PAX5: variants seen among roughly 807,000 people sequenced by gnomAD.
PAX5 encodes paired box protein Pax-5.
In PAX5, 9 loss-of-function variants were observed where a neutral mutation model predicts 43.7. The observed-to-expected ratio is 0.21, with a 90% CI of 0.12 to 0.36. The LOEUF (loss-of-function observed/expected upper bound fraction) is 0.36, where lower values mean the gene tolerates loss of function less well. Among genes scored for constraint, PAX5 ranks in the 10% least tolerant of loss-of-function variants. PAX5 has a pLI of 1.00. For missense variants in PAX5, 383 were observed against 532.7 expected (o/e 0.72, Z 2.77); for synonymous variants, 228 against 214.3 (o/e 1.06, Z -0.56).
At chr9:36,910,609 G>C (rs1268518680) in intron 7 of PAX5, among the ~76,000 whole-genome samples, 1 of 152,252 alleles carries the variant, frequency 6.6e-6, no homozygotes, top group Non-Finnish European at 1.5e-5. Context: ...CCTGGTCTAT[G>C]AGTTCAAAGC....
At chr9:36,881,419 A>G (rs1486230781) in intron 8 of PAX5, among the ~76,000 whole-genome samples, 1 of 152,076 alleles carries the variant, frequency 6.6e-6, no homozygotes, top group Non-Finnish European at 1.5e-5. Flanking sequence ...ACCACCCCAC[A>G]ATGTAAGGAG....
At chr9:36,873,680 C>T (rs759866013) in intron 8 of PAX5, among the ~76,000 whole-genome samples, 6 of 152,224 alleles carry the variant, frequency 3.9e-5, no homozygotes, top group Non-Finnish European at 5.9e-5. Context: ...GCTTAGGTCA[C>T]GGAGGTGCCT....
chr9:37,003,154 T>TAAAAAAAAAAAAAAAAA lies in PAX5; in HGVS notation c.476-395_476-379dup, dbSNP rs67081521. ...CCGGGGCCCACCAACAGTCAGTGCT[T>TAAAAAAAAAAAAAAAAA]AAAAAAAAAAAAAAAAAAAAAAAAA... On this transcript the variant is annotated intron_variant, in intron 4 of 9. Coordinates refer to ENST00000358127, the MANE Select transcript of PAX5 (RefSeq NM_016734.3). 9.2e-5 allele frequency among the ~76,000 whole-genome samples: 7 copies of TAAAAAAAAAAAAAAAAA among 75,830 alleles called. No homozygotes were observed. The East Asian group carries it at 1.8e-3, about 20-fold the overall frequency. 49.7% of individuals were successfully genotyped at this position (75,830 alleles called of 152,430 possible). A position where few individuals can be genotyped will look rare whatever the true frequency, so the allele number is the denominator to read the frequency against.
intron 7 of PAX5, among the ~76,000 whole-genome samples, chr9:36,901,389 G>C (rs573328455): frequency 1.3e-5 from 2 of 152,024 alleles, no homozygotes; most frequent in Non-Finnish European, 2.9e-5. Context: ...ACCCAGCCTC[G>C]GGAAGTGGCC....
intron 7 of PAX5, among the ~76,000 whole-genome samples, chr9:36,891,122 G>T (rs1160622283): frequency 1.3e-5 from 2 of 152,198 alleles, no homozygotes; most frequent in African/African-American, 4.8e-5. Context: ...CTGGGCGACA[G>T]AGCGCAACTT....
chr9:36,953,149 C>T (rs1484134691), intron 6 of PAX5, among the ~76,000 whole-genome samples: 1 of 152,122 alleles, frequency 6.6e-6, no homozygotes, highest in Admixed American at 6.5e-5. Flanking sequence ...TCTTTCAACA[C>T]TTTTAATATG....
chr9:36,886,819 C>A (rs1447620882), intron 7 of PAX5, among the ~76,000 whole-genome samples: 1 of 152,132 alleles, frequency 6.6e-6, no homozygotes, highest in Admixed American at 6.5e-5. Flanking sequence ...ATTAATGGCA[C>A]GTAAGTACAT....
At chr9:36,857,136 C>T (rs566508270) in intron 8 of PAX5, among the ~76,000 whole-genome samples, 3 of 152,326 alleles carry the variant, frequency 2.0e-5, no homozygotes, top group East Asian at 3.9e-4. Context: ...GTCATACACA[C>T]TTCCCATGGG....
At chr9:36,974,877 A>T (rs1408603225) in intron 5 of PAX5, among the ~76,000 whole-genome samples, 1 of 150,842 alleles carries the variant, frequency 6.6e-6, no homozygotes, top group East Asian at 1.9e-4. Context: ...CCCCCACTTC[A>T]CCCCGCAATG....
At chr9:36,875,835 G>A (rs1825863591) in intron 8 of PAX5, among the ~76,000 whole-genome samples, 1 of 152,194 alleles carries the variant, frequency 6.6e-6, no homozygotes, top group African/African-American at 2.4e-5. Context: ...GGACAAGAAA[G>A]CAAATCATTC....
chr9:37,028,018 G>C (rs1840611665), intron 1 of PAX5, among the ~76,000 whole-genome samples: 1 of 152,252 alleles, frequency 6.6e-6, no homozygotes, highest in Non-Finnish European at 1.5e-5. Flanking sequence ...GTCCCACGCG[G>C]GCTGGACCTC....
chr9:36,997,423 C>T (rs773457565), intron 5 of PAX5, among the ~76,000 whole-genome samples: 23 of 152,144 alleles, frequency 1.5e-4, no homozygotes, highest in Non-Finnish European at 2.4e-4. Flanking sequence ...GTGAGGGGGA[C>T]AGGGAGGGGA....
At chr9:36,974,995 G>T (rs1036031156) in intron 5 of PAX5, among the ~76,000 whole-genome samples, 1 of 152,046 alleles carries the variant, frequency 6.6e-6, no homozygotes, top group African/African-American at 2.4e-5. Flanking sequence ...CTCCTGCCCA[G>T]CAAGACTCAG....
intron 6 of PAX5, 85 bp downstream of exon 6, chr9:36,966,464 C>T: frequency 6.8e-7 from 1 of 1,469,250 alleles, no homozygotes; most frequent in South Asian, 1.3e-5. Flanking sequence ...CTCACCCACA[C>T]CCCGCCAGAT....
At chr9:37,001,068 G>A (rs903697157) in intron 5 of PAX5, among the ~76,000 whole-genome samples, 13 of 152,194 alleles carry the variant, frequency 8.5e-5, no homozygotes, top group Non-Finnish European at 1.3e-4. Context: ...GGCATGATCT[G>A]AGTAGTACGG....
At position 36,995,731 on chromosome 9, in the gene PAX5, G is replaced by A. The variant is rs186266946; in HGVS notation, c.604+6917C>T. On this transcript the variant is annotated intron_variant, in intron 5 of 9. Transcript: ENST00000358127. ...TCCCATGCGAATGACGGAGCGGGGC[G>A]TCTCAGGTGCTCTCCAAGGCCCTTC... Among the ~76,000 whole-genome samples the A allele has an allele frequency of 3.8e-3, 586 of 152,246 alleles. 6 individuals are homozygous for A. The highest frequency in any genetic ancestry group is 0.027 in the South Asian group (128 of 4,824).
chr9:36,935,547 C>G (rs573143973), intron 6 of PAX5, among the ~76,000 whole-genome samples: 25 of 152,304 alleles, frequency 1.6e-4, no homozygotes, highest in African/African-American at 4.1e-4. Context: ...TGGGTACCAG[C>G]AGGGGAAGCC....
chr9:36,940,684 C>G (rs1253989803), intron 6 of PAX5, among the ~76,000 whole-genome samples: 4 of 151,858 alleles, frequency 2.6e-5, no homozygotes, highest in Non-Finnish European at 5.9e-5. Flanking sequence ...AGGCAGGGCT[C>G]TCAGTGCACA....
chr9:36,854,256 G>A (rs1268598237), intron 8 of PAX5, among the ~76,000 whole-genome samples: 1 of 152,218 alleles, frequency 6.6e-6, no homozygotes, highest in Admixed American at 6.5e-5. Flanking sequence ...AACTGTTGAC[G>A]ACCAGAGTGA....
Sources: gnomAD v4.1 joint callset for allele counts (sites outside exome capture counted in the v4.1 genomes callset) on GRCh38, gnomAD v4.1.1 for gene constraint, MANE v1.5 for transcripts, NCBI Gene and HGNC (gene_info 2026-07-23, HGNC 2026-07-21) for gene names.